Variants in NRXN3 observed in about 807,000 individuals in gnomAD.
The protein encoded by NRXN3 is neurexin 3, also known as neurexin III.
NRXN3 carries 32 observed loss-of-function variants against 137.6 expected under a neutral mutation model. That is an observed-to-expected ratio of 0.23 (90% CI 0.18 to 0.31). NRXN3 has a LOEUF of 0.31. Among genes scored for constraint, NRXN3 ranks in the 10% least tolerant of loss-of-function variants. The pLI, the probability that NRXN3 is intolerant of heterozygous loss-of-function variation, is 1.00. For missense variants in NRXN3, 1,574 were observed against 2,062.5 expected, an observed-to-expected ratio of 0.76 and a Z score of 4.59; for synonymous variants, 798 against 784.5, an observed-to-expected ratio of 1.02 and a Z score of -0.29.
chr14:78,289,615 T>C (rs1043530750), intron 3 of NRXN3, among the ~76,000 whole-genome samples: 2 of 151,982 alleles, frequency 1.3e-5, no homozygotes, highest in Non-Finnish European at 1.5e-5. Context: ...CATGTACAAC[T>C]TTAAAAACGC....
At chr14:79,486,004 T>A (rs1263582001) in intron 16 of NRXN3, among the ~76,000 whole-genome samples, 1 of 152,126 alleles carries the variant, frequency 6.6e-6, no homozygotes, top group Non-Finnish European at 1.5e-5. Context: ...ACATGAGCTC[T>A]TAAATCTGTA....
intron 16 of NRXN3, among the ~76,000 whole-genome samples, chr14:79,601,656 G>A (rs896836250): frequency 2.0e-5 from 3 of 152,166 alleles, no homozygotes; most frequent in Admixed American, 1.3e-4. Flanking sequence ...CTTGCTTGGA[G>A]CAGATCTAGA....
intron 18 of NRXN3, among the ~76,000 whole-genome samples, chr14:79,695,031 G>A (rs1432196810): frequency 1.3e-5 from 2 of 151,948 alleles, no homozygotes; most frequent in Admixed American, 1.3e-4. Context: ...ATCTCTCTGG[G>A]AAAGTAGCTG....
At chr14:79,453,401 G>A (rs2096208610) in intron 15 of NRXN3, among the ~76,000 whole-genome samples, 2 of 152,370 alleles carry the variant, frequency 1.3e-5, no homozygotes, top group African/African-American at 4.8e-5. Context: ...CCAAGATCAT[G>A]TAAGCATTAT....
At chr14:79,175,527 T>A (rs1362645439) in intron 15 of NRXN3, among the ~76,000 whole-genome samples, 2 of 152,238 alleles carry the variant, frequency 1.3e-5, no homozygotes, top group African/African-American at 4.8e-5. Flanking sequence ...TATAGAGATC[T>A]TTTTAATACA....
intron 4 of NRXN3, among the ~76,000 whole-genome samples, chr14:78,473,113 A>C (rs1599123827): frequency 6.6e-6 from 1 of 151,686 alleles, no homozygotes; most frequent in African/African-American, 2.4e-5. Context: ...TAAAAGAAAA[A>C]CCTTTCTGGC....
At chr14:78,923,820 C>T (rs2152831982) in intron 10 of NRXN3, among the ~76,000 whole-genome samples, 1 of 152,320 alleles carries the variant, frequency 6.6e-6, no homozygotes, top group Non-Finnish European at 1.5e-5. Flanking sequence ...AGGAATGCTA[C>T]TATAATCTTC....
rs10623539 is a variant in NRXN3 at position 78,376,003 on chromosome 14, T to TACACACACAC, written c.757+78151_757+78160dup. Reference sequence around the variant, plus strand: ...GCTGGTTCAACTTCTTCCTCCTTGATACACACACACACACACATACACACA... The same window carrying TACACACACAC: ...GCTGGTTCAACTTCTTCCTCCTTGATACACACACACACACACACACACACACATACACACA... On this transcript the variant is annotated intron_variant, in intron 4 of 20. Coordinates refer to ENST00000335750, the MANE Select transcript of NRXN3 (RefSeq NM_001330195.2). Among the ~76,000 whole-genome samples the TACACACACAC allele has an allele frequency of 9.7e-3, 1,429 of 146,800 alleles. 20 individuals are homozygous for TACACACACAC. Among genetic ancestry groups the TACACACACAC allele is most frequent in the African/African-American group, 0.029 (1,162 of 39,624 alleles).
chr14:78,919,603 G>C (rs1252632016), intron 10 of NRXN3, among the ~76,000 whole-genome samples: 1 of 152,078 alleles, frequency 6.6e-6, no homozygotes, highest in Non-Finnish European at 1.5e-5. Context: ...AAATGCTTTA[G>C]AGTTTACTAC....
intron 20 of NRXN3, among the ~76,000 whole-genome samples, chr14:79,812,152 A>G (rs2099236450): frequency 6.6e-6 from 1 of 152,014 alleles, no homozygotes; most frequent in African/African-American, 2.4e-5. Flanking sequence ...ATTCTATCCA[A>G]CTCCATTACC....
intron 3 of NRXN3, among the ~76,000 whole-genome samples, chr14:78,289,015 A>G (rs1388573152): frequency 1.3e-5 from 2 of 152,196 alleles, no homozygotes; most frequent in Non-Finnish European, 2.9e-5. Flanking sequence ...AGGACTGAAC[A>G]TGGTAGTATC....
intron 4 of NRXN3, among the ~76,000 whole-genome samples, chr14:78,453,964 A>G (rs1598867164): frequency 6.6e-6 from 1 of 152,214 alleles, no homozygotes; most frequent in African/African-American, 2.4e-5. Flanking sequence ...ACTGCGAGAC[A>G]ATGAATTTCT....
intron 4 of NRXN3, among the ~76,000 whole-genome samples, chr14:78,343,580 T>C (rs941220366): frequency 6.6e-6 from 1 of 152,216 alleles, no homozygotes; most frequent in African/African-American, 2.4e-5. Context: ...TAAGGGAGCT[T>C]TGAGTTTCAG....
chr14:79,043,241 A>G (rs1196183636), intron 15 of NRXN3, among the ~76,000 whole-genome samples: 1 of 152,076 alleles, frequency 6.6e-6, no homozygotes, highest in Non-Finnish European at 1.5e-5. Flanking sequence ...AGGCATCTTT[A>G]TGGTTCATCA....
At chr14:78,541,928 G>T (rs2096593452) in intron 4 of NRXN3, among the ~76,000 whole-genome samples, 1 of 152,230 alleles carries the variant, frequency 6.6e-6, no homozygotes, top group African/African-American at 2.4e-5. Context: ...GACCATGTTT[G>T]CCTGGGTATC....
intron 4 of NRXN3, among the ~76,000 whole-genome samples, chr14:78,421,569 A>G (rs931204825): frequency 3.9e-5 from 6 of 152,084 alleles, no homozygotes; most frequent in African/African-American, 1.4e-4. Flanking sequence ...TACTTTCTTG[A>G]TTTTTTTAAG....
At chr14:79,729,268 C>T (rs535735425) in intron 19 of NRXN3, among the ~76,000 whole-genome samples, 11 of 152,164 alleles carry the variant, frequency 7.2e-5, no homozygotes, top group South Asian at 2.1e-4. Flanking sequence ...TGATCTAGGG[C>T]TAATGGGGAT....
Position 78,715,907 on chromosome 14 carries a change from G to A in NRXN3, c.2044+768G>A, listed in dbSNP as rs2098429940. ...GAGAAGGTATAGAGAAGCTTGGGAG[G>A]CCCTTGGAAGGAGACCTAACATACC... On this transcript the variant is annotated intron_variant, in intron 8 of 20. Coordinates refer to ENST00000335750, the MANE Select transcript of NRXN3 (RefSeq NM_001330195.2). Among the ~76,000 whole-genome samples the A allele has an allele frequency of 2.0e-5, 3 of 152,102 alleles. No homozygotes were observed. The South Asian group carries it at 6.2e-4, about 32-fold the overall frequency.
At chr14:79,164,472 C>A (rs2061104777) in intron 15 of NRXN3, among the ~76,000 whole-genome samples, 1 of 152,022 alleles carries the variant, frequency 6.6e-6, no homozygotes, top group South Asian at 2.1e-4. Context: ...ACTTTAATTT[C>A]TTTGGTAAAA....
Sources: gnomAD v4.1 joint callset for allele counts (sites outside exome capture counted in the v4.1 genomes callset) on GRCh38, gnomAD v4.1.1 for gene constraint, MANE v1.5 for transcripts, NCBI Gene and HGNC (gene_info 2026-07-23, HGNC 2026-07-21) for gene names.